The following LPAR5 variants were observed in gnomAD, a reference collection of about 807,000 sequenced individuals.
LPAR5 encodes lysophosphatidic acid receptor 5.
For missense variants in LPAR5, 544 were observed against 521.8 expected (o/e 1.04, Z -0.41); for synonymous variants, 271 against 261.6 (o/e 1.04, Z -0.35).
chr12:6,628,368 A>T (rs1215785162), intron 1 of LPAR5, among the ~76,000 whole-genome samples: 1 of 152,048 alleles, frequency 6.6e-6, no homozygotes, highest in Non-Finnish European at 1.5e-5. Context: ...AGATCCTTCC[A>T]ATTAGAAAGC....
chr12:6,629,798 C>T (rs1390506327), intron 1 of LPAR5, among the ~76,000 whole-genome samples: 4 of 151,656 alleles, frequency 2.6e-5, no homozygotes, highest in African/African-American at 7.3e-5. Flanking sequence ...CTGAGGCGGG[C>T]GGATCACCTG....
chr12:6,634,812 G>A (rs909768481), intron 1 of LPAR5, among the ~76,000 whole-genome samples: 4 of 147,450 alleles, frequency 2.7e-5, no homozygotes, highest in African/African-American at 1.0e-4. Flanking sequence ...AAAAATGGCT[G>A]GGCACCGTGG....
chr12:6,620,874 G>A lies in LPAR5; in HGVS notation c.375C>T (p.His125=), dbSNP rs1369340094. ...GCCGCAGGTGGCGCAGTCGCAGCGG[G>A]TGCACGATGGCGGCGTAGCGGTCCA... ...INVDRYAAIV[H]PLRLRHLRRP... Residue 125 remains histidine (H), a synonymous_variant, in exon 2 of 2, where the codon CAC becomes CAT. Coordinates refer to ENST00000329858, the MANE Select transcript of LPAR5 (RefSeq NM_020400.6). The surrounding 1 kb of genome is among the most constrained non-coding windows in gnomAD (Gnocchi z 6.8). 2.5e-6 allele frequency: 4 copies of A among 1,571,794 alleles called. No homozygotes were observed. The highest frequency in any genetic ancestry group is 1.9e-5 in the Admixed American group (1 of 52,982).
At chr12:6,630,733 T>G (rs967946793) in intron 1 of LPAR5, among the ~76,000 whole-genome samples, 35 of 151,834 alleles carry the variant, frequency 2.3e-4, no homozygotes, top group African/African-American at 8.2e-4. Context: ...ATTATAGGCA[T>G]GAGCCACCGC....
At chr12:6,624,525 A>G (rs1368919742) in intron 1 of LPAR5, among the ~76,000 whole-genome samples, 1 of 152,104 alleles carries the variant, frequency 6.6e-6, no homozygotes, top group African/African-American at 2.4e-5. Flanking sequence ...GGAATCATAC[A>G]ATATTTGTCC....
chr12:6,630,114 G>A (rs1249824880), intron 1 of LPAR5, among the ~76,000 whole-genome samples: 1 of 151,996 alleles, frequency 6.6e-6, no homozygotes, highest in African/African-American at 2.4e-5. Context: ...TATTCCAAAG[G>A]GGAGAAGTTC....
intron 1 of LPAR5, among the ~76,000 whole-genome samples, chr12:6,630,768 A>G (rs935332378): frequency 1.3e-5 from 2 of 152,044 alleles, no homozygotes; most frequent in Admixed American, 1.3e-4. Flanking sequence ...CATCTTTATA[A>G]AGGATCCTGG....
At chr12:6,632,613 CCAGCTGTGCTGAGCCTCCAG>C (rs1279633844) in intron 1 of LPAR5, among the ~76,000 whole-genome samples, 1 of 152,182 alleles carries the variant, frequency 6.6e-6, no homozygotes, top group Non-Finnish European at 1.5e-5. Context: ...CAAACAGACC[CCAGCTGTGCTGAGCCTCCAG>C]CAGAAGCTTA....
rs753530323 is a variant in LPAR5 at position 6,620,315 on chromosome 12, C to G, written c.934G>C (p.Gly312Arg). Reference sequence around the variant, plus strand: ...GAGGTCCTGGCCCGGTGCGGAGTGCCCAGGCCGCGCAGGGTGTTGCGGAAG... The same window carrying G: ...GAGGTCCTGGCCCGGTGCGGAGTGCGCAGGCCGCGCAGGGTGTTGCGGAAG... The part of the protein sequence containing the change: ...EGFRNTLRGL[G>R]TPHRARTSAT... Residue 312 changes from glycine to arginine, a missense_variant, in exon 2 of 2, where the codon GGC becomes CGC. By Grantham distance (125) the Gly-to-Arg change is moderately radical. Transcript: ENST00000329858. This position sits in a 1 kb window ranked among gnomAD's most constrained non-coding sequence, Gnocchi z 6.8. 3 of 1,607,586 alleles carry G rather than the reference C, an allele frequency of 1.9e-6. No individual in the cohort carries two copies. The highest frequency in any genetic ancestry group is 3.4e-5 in the Admixed American group (2 of 59,048).
At chr12:6,628,268 G>A (rs1035905942) in intron 1 of LPAR5, among the ~76,000 whole-genome samples, 10 of 152,006 alleles carry the variant, frequency 6.6e-5, no homozygotes, top group Admixed American at 2.0e-4. Flanking sequence ...TGATCTGCCC[G>A]CCTTGGCCTC....
chr12:6,635,393 C>G (rs1949003439), intron 1 of LPAR5, among the ~76,000 whole-genome samples: 1 of 152,160 alleles, frequency 6.6e-6, no homozygotes, highest in Admixed American at 6.5e-5. Flanking sequence ...CCTGAAGACC[C>G]CATTACAGTA....
chr12:6,635,335 AG>A (rs1949003286), intron 1 of LPAR5, among the ~76,000 whole-genome samples: 1 of 152,190 alleles, frequency 6.6e-6, no homozygotes, highest in African/African-American at 2.4e-5. Context: ...AAAGACCATC[AG>A]TCTAATCCCC....
chr12:6,633,424 T>C (rs1285946479), intron 1 of LPAR5, among the ~76,000 whole-genome samples: 3 of 151,744 alleles, frequency 2.0e-5, no homozygotes, highest in African/African-American at 4.8e-5. Context: ...TTTTTTTTTT[T>C]CTGAGATGGA....
intron 1 of LPAR5, among the ~76,000 whole-genome samples, chr12:6,628,885 G>A (rs2136243996): frequency 6.6e-6 from 1 of 151,646 alleles, no homozygotes; most frequent in Non-Finnish European, 1.5e-5. Flanking sequence ...GCCCGCCTCA[G>A]CCTCCAAAAA....
In LPAR5 at chr12:6,633,637, G is replaced by A. The variant is rs981435559; in HGVS notation, c.-217+2270C>T. ...TGTGTTGGCCAGGCTGGTCTTGAAT[G>A]CCTGACCTCAGGTGATCTGCCCTCC... On this transcript the variant is annotated intron_variant, in intron 1 of 1. Transcript: ENST00000329858. 3.3e-5 allele frequency among the ~76,000 whole-genome samples: 5 copies of A among 152,100 alleles called. No homozygotes were observed. In the East Asian group the frequency reaches 7.7e-4, roughly 23 times the overall value.
At chr12:6,633,135 C>T (rs1436760005) in intron 1 of LPAR5, among the ~76,000 whole-genome samples, 3 of 152,188 alleles carry the variant, frequency 2.0e-5, no homozygotes, top group Non-Finnish European at 4.4e-5. Flanking sequence ...CCCTGATGTG[C>T]GGATATCACC....
intron 1 of LPAR5, among the ~76,000 whole-genome samples, chr12:6,624,411 C>T (rs1235710333): frequency 6.6e-6 from 1 of 152,198 alleles, no homozygotes; most frequent in Non-Finnish European, 1.5e-5. Context: ...AGCAACAACT[C>T]TGCAGTCATT....
Position 6,620,546 on chromosome 12 carries a change from G to A in LPAR5, c.703C>T (p.Leu235Phe), listed in dbSNP as rs1435807102. Residue 235 changes from leucine (L) to phenylalanine (F), a missense_variant, in exon 2 of 2, where the codon CTC (leucine) becomes TTC (phenylalanine). By Grantham distance (22) the Leu-to-Phe change is conservative. Transcript: ENST00000329858. The surrounding 1 kb of genome is among the most constrained non-coding windows in gnomAD (Gnocchi z 6.8). ...QSQRRRKTVRLLLANLVIFLL... is the reference protein window; with the variant it reads ...QSQRRRKTVRFLLANLVIFLL... ...AAGATGACGAGGTTAGCCAGCAGGA[G>A]GCGCACGGTCTTCCGCCGCCGCTGG... The A allele has an allele frequency of 3.2e-6, 5 of 1,564,292 alleles. No individual in the cohort carries two copies. In the South Asian group the frequency reaches 4.7e-5, roughly 15 times the overall value.
chr12:6,625,185 G>C (rs948474766), intron 1 of LPAR5, among the ~76,000 whole-genome samples: 5 of 152,032 alleles, frequency 3.3e-5, no homozygotes, highest in African/African-American at 1.2e-4. Flanking sequence ...CAGCACTTTG[G>C]GAGGCCGAGG....
Sources: allele counts gnomAD v4.1 joint callset (sites outside exome capture counted in the v4.1 genomes callset), GRCh38; gene constraint gnomAD v4.1.1; non-coding constraint Gnocchi (gnomAD v3.1); transcripts MANE v1.5; gene names NCBI Gene and HGNC (gene_info 2026-07-23, HGNC 2026-07-21).